Variants in CELF2 observed in about 807,000 individuals in gnomAD.
CELF2 encodes CUG triplet repeat RNA-binding protein 2.
In CELF2, 8 loss-of-function variants were observed where a neutral mutation model predicts 62.6. The ratio of observed to expected loss-of-function variants is 0.13; its 90% confidence interval spans 0.07 to 0.23. The LOEUF (loss-of-function observed/expected upper bound fraction) is 0.23. Among genes scored for constraint, CELF2 ranks in the 10% least tolerant of loss-of-function variants. The pLI, the probability that CELF2 is intolerant of heterozygous loss-of-function variation, is 1.00. For missense variants in CELF2, 333 were observed against 671.0 expected (o/e 0.50, Z 5.56); for synonymous variants, 258 against 250.0 (o/e 1.03, Z -0.30).
the CELF2 span, among the ~76,000 whole-genome samples, chr10:10,633,498 T>C: frequency 6.6e-6 from 1 of 152,198 alleles, no homozygotes; most frequent in Non-Finnish European, 1.5e-5. Flanking sequence ...GGATTGTTGG[T>C]GTTTATATTG....
chr10:11,274,397 C>T (rs1437162342), intron 7 of CELF2, among the ~76,000 whole-genome samples: 1 of 152,216 alleles, frequency 6.6e-6, no homozygotes, highest in African/African-American at 2.4e-5. Flanking sequence ...AAAATGCAGA[C>T]TTTCTCATAG....
the CELF2 span, among the ~76,000 whole-genome samples, chr10:10,761,877 T>G: frequency 6.7e-6 from 1 of 149,794 alleles, no homozygotes; most frequent in Non-Finnish European, 1.5e-5. Flanking sequence ...GCCTCTCTAA[T>G]TACATGAGAC....
At position 11,316,097 on chromosome 10, in the gene CELF2, GT is replaced by G. The variant is rs1014885727; in HGVS notation, c.1096+1840del. Among the ~76,000 whole-genome samples, 2 of 152,232 alleles carry G rather than the reference GT, an allele frequency of 1.3e-5. No individual in the cohort carries two copies. Among genetic ancestry groups the G allele is most frequent in the African/African-American group, 4.8e-5 (2 of 41,464 alleles). ...TCTCGTCAGGGACTGGAGAGGGGCT[GT>G]GTTGAATGGCAGAGAAACCATGAGT... is the stretch of plus-strand genomic sequence containing the variant. On this transcript the variant is annotated intron_variant, in intron 10 of 12. Coordinates refer to ENST00000633077, the MANE Select transcript of CELF2 (RefSeq NM_001326342.2). The surrounding 1 kb of genome is among the most constrained non-coding windows in gnomAD (Gnocchi z 4.4).
intron 1 of CELF2, among the ~76,000 whole-genome samples, chr10:10,866,695 G>A (rs926834053): frequency 1.3e-5 from 2 of 150,572 alleles, no homozygotes; most frequent in Admixed American, 6.6e-5. Context: ...GGTGGCTCAC[G>A]ACTGTAATTC....
intron 10 of CELF2, chr10:11,317,026 T>C (rs779535807): frequency 6.6e-6 from 1 of 152,212 alleles, no homozygotes; most frequent in Non-Finnish European, 1.5e-5. Context: ...CTGAACTAAG[T>C]TGAAGAACAT....
chr10:10,953,689 G>A (rs1314550654), intron 2 of CELF2, among the ~76,000 whole-genome samples: 2 of 151,970 alleles, frequency 1.3e-5, no homozygotes, highest in Admixed American at 1.3e-4. Context: ...ATCAGAATGG[G>A]AAAGCCTTTT....
At chr10:10,807,477 T>C (rs966341325) in intron 1 of CELF2, among the ~76,000 whole-genome samples, 3 of 152,244 alleles carry the variant, frequency 2.0e-5, no homozygotes, top group Admixed American at 1.3e-4. Flanking sequence ...TTTCCAATTA[T>C]GTTCTATTAT....
At chr10:10,623,932 G>A in the CELF2 span, among the ~76,000 whole-genome samples, 1 of 152,212 alleles carries the variant, frequency 6.6e-6, no homozygotes, top group Non-Finnish European at 1.5e-5. Context: ...CAGGTAGTCT[G>A]ACTGCAGAGA....
chr10:10,863,959 T>C (rs1337299282), intron 1 of CELF2, among the ~76,000 whole-genome samples: 1 of 152,240 alleles, frequency 6.6e-6, no homozygotes, highest in Non-Finnish European at 1.5e-5. Flanking sequence ...TCCCTTACGC[T>C]TCTTTGATAG....
intron 1 of CELF2, among the ~76,000 whole-genome samples, chr10:11,142,034 C>A (rs942650480): frequency 1.3e-5 from 2 of 152,200 alleles, no homozygotes; most frequent in Admixed American, 6.5e-5. Context: ...TGCCTTCCCA[C>A]GACATCATAC....
intron 3 of CELF2, among the ~76,000 whole-genome samples, chr10:11,221,451 C>T (rs1018067442): frequency 6.6e-6 from 1 of 152,176 alleles, no homozygotes; most frequent in Non-Finnish European, 1.5e-5. Flanking sequence ...AGAAAAACTA[C>T]CAAGATCTTT....
At chr10:10,902,543 A>G (rs776301549) in intron 1 of CELF2, among the ~76,000 whole-genome samples, 4 of 152,240 alleles carry the variant, frequency 2.6e-5, no homozygotes, top group Non-Finnish European at 5.9e-5. Flanking sequence ...ATTCCAGGAA[A>G]TGGAAACTTA....
At chr10:10,652,364 A>G in the CELF2 span, among the ~76,000 whole-genome samples, 1 of 128,490 alleles carries the variant, frequency 7.8e-6, no homozygotes, top group Non-Finnish European at 1.7e-5. Context: ...TTCAGGAAAT[A>G]CAGACAACGC....
the CELF2 span, among the ~76,000 whole-genome samples, chr10:10,622,478 G>GTA: frequency 3.9e-4 from 59 of 150,788 alleles, no homozygotes; most frequent in East Asian, 2.3e-3. Flanking sequence ...GTGTGTGTGT[G>GTA]TATATATATA....
chr10:10,527,413 T>C, the CELF2 span, among the ~76,000 whole-genome samples: 136,700 of 150,364 alleles, frequency 0.91, 62,697 homozygotes, highest in South Asian at 0.97. Context: ...TGCCACTGCT[T>C]TCCAGCCTAG....
At chr10:11,006,626 G>A (rs992173704) in intron 1 of CELF2, among the ~76,000 whole-genome samples, 4 of 152,306 alleles carry the variant, frequency 2.6e-5, no homozygotes, top group Middle Eastern at 3.4e-3. Flanking sequence ...TGATGTTTAC[G>A]TAAATTACAG....
intron 1 of CELF2, among the ~76,000 whole-genome samples, chr10:11,021,634 C>A (rs2058336586): frequency 6.6e-6 from 1 of 152,316 alleles, no homozygotes. Flanking sequence ...CGTCTCTAAT[C>A]TGCAGGGTGG....
At position 11,159,402 on chromosome 10, in the gene CELF2, G is replaced by A. The variant is rs538982343; in HGVS notation, c.75-6084G>A. On this transcript the variant is annotated intron_variant, in intron 1 of 12. Transcript: ENST00000633077. This position sits in a 1 kb window ranked among gnomAD's most constrained non-coding sequence, Gnocchi z 5.0. ...GACAGACGCGTTTTTCATGATGACTGTGAAGCAGTGCATTTTAAAAGGGAG... is the reference window on the plus strand; with the variant it reads ...GACAGACGCGTTTTTCATGATGACTATGAAGCAGTGCATTTTAAAAGGGAG... Among the ~76,000 whole-genome samples the A allele has an allele frequency of 2.0e-5, 3 of 152,338 alleles. No homozygotes were observed. Among genetic ancestry groups the A allele is most frequent in the South Asian group, 2.1e-4 (1 of 4,826 alleles).
chr10:10,723,104 G>A, the CELF2 span, among the ~76,000 whole-genome samples: 4,294 of 152,270 alleles, frequency 0.028, 185 homozygotes, highest in African/African-American at 0.097. Context: ...TATCTATGAG[G>A]AACAAGGATT....
Sources: gnomAD v4.1 joint callset for allele counts (sites outside exome capture counted in the v4.1 genomes callset) on GRCh38, gnomAD v4.1.1 for gene constraint, Gnocchi (gnomAD v3.1) non-coding constraint, MANE v1.5 for transcripts, NCBI Gene and HGNC (gene_info 2026-07-23, HGNC 2026-07-21) for gene names.